The following NUDCD3 variants were observed in gnomAD, a reference collection of about 807,000 sequenced individuals.
NUDCD3 encodes the protein nudC domain-containing protein 3.
In NUDCD3, 13 loss-of-function variants were observed where a neutral mutation model predicts 39.7. The observed-to-expected ratio is 0.33, with a 90% CI of 0.21 to 0.52. The LOEUF (loss-of-function observed/expected upper bound fraction) is 0.52. Ranked by LOEUF, NUDCD3 falls within the 20% of genes least tolerant of loss-of-function variation. The pLI is 0.96. For missense variants in NUDCD3, 453 were observed against 458.1 expected (o/e 0.99, Z 0.10); for synonymous variants, 175 against 172.4 (o/e 1.02, Z -0.12).
intron 3 of NUDCD3, among the ~76,000 whole-genome samples, chr7:44,418,738 T>C (rs1297826422): frequency 5.9e-5 from 9 of 152,160 alleles, no homozygotes; most frequent in South Asian, 2.1e-4. Flanking sequence ...GTTCATCTCA[T>C]TGGGACTAGT....
At chr7:44,473,433 G>A (rs890161579) in intron 2 of NUDCD3, among the ~76,000 whole-genome samples, 1 of 152,200 alleles carries the variant, frequency 6.6e-6, no homozygotes, top group East Asian at 1.9e-4. Context: ...AGAGTTGTGA[G>A]GACAGTGAAA....
intron 4 of NUDCD3, among the ~76,000 whole-genome samples, chr7:44,396,257 A>C (rs1798623287): frequency 6.6e-6 from 1 of 152,132 alleles, no homozygotes; most frequent in African/African-American, 2.4e-5. Flanking sequence ...ACTGTAACCA[A>C]GTGGGCTGCC....
chr7:44,424,649 C>T (rs553946174), intron 3 of NUDCD3, among the ~76,000 whole-genome samples: 7 of 152,110 alleles, frequency 4.6e-5, no homozygotes, highest in Admixed American at 2.0e-4. Flanking sequence ...CAGATGCTGG[C>T]GAGAATGTGG....
chr7:44,443,889 T>C (rs1450327009), intron 2 of NUDCD3, among the ~76,000 whole-genome samples: 1 of 152,204 alleles, frequency 6.6e-6, no homozygotes, highest in Non-Finnish European at 1.5e-5. Flanking sequence ...GTCTTCTTTA[T>C]GAGCACCAGC....
chr7:44,411,711 A>C (rs1798929038), intron 3 of NUDCD3, among the ~76,000 whole-genome samples: 1 of 152,250 alleles, frequency 6.6e-6, no homozygotes, highest in Admixed American at 6.5e-5. Flanking sequence ...AAATGGTACA[A>C]CCACTTTGGA....
chr7:44,432,704 T>G (rs917448321), intron 2 of NUDCD3, among the ~76,000 whole-genome samples: 1 of 152,226 alleles, frequency 6.6e-6, no homozygotes, highest in Non-Finnish European at 1.5e-5. Context: ...CTTTAAATGT[T>G]CACACTCTTA....
At chr7:44,480,041 A>G (rs1800454794) in intron 2 of NUDCD3, among the ~76,000 whole-genome samples, 2 of 152,240 alleles carry the variant, frequency 1.3e-5, no homozygotes, top group Non-Finnish European at 2.9e-5. Flanking sequence ...GTCTATTCTG[A>G]ACAAAGAGCT....
chr7:44,400,655 T>C (rs1290372016), intron 4 of NUDCD3, among the ~76,000 whole-genome samples: 1 of 152,186 alleles, frequency 6.6e-6, no homozygotes. Context: ...AATCAAGGTG[T>C]CAGTAGGGCC....
intron 2 of NUDCD3, among the ~76,000 whole-genome samples, chr7:44,429,963 T>C (rs1290203973): frequency 1.3e-5 from 2 of 152,244 alleles, no homozygotes; most frequent in Admixed American, 6.5e-5. Flanking sequence ...AAAGTGGGTA[T>C]TATTACTTTT....
At chr7:44,427,803 C>T (rs1799267657) in intron 2 of NUDCD3, 100 bp from the exon 3 acceptor site, 1 of 1,273,674 alleles carries the variant, frequency 7.9e-7, no homozygotes, top group Non-Finnish European at 1.1e-6. Flanking sequence ...GGAGACGTGA[C>T]CAACTCAAGT....
intron 3 of NUDCD3, among the ~76,000 whole-genome samples, chr7:44,418,325 A>G (rs2116890411): frequency 6.6e-6 from 1 of 152,324 alleles, no homozygotes; most frequent in East Asian, 1.9e-4. Flanking sequence ...TGCACATGAG[A>G]CGTGTTCCAG....
intron 4 of NUDCD3, among the ~76,000 whole-genome samples, chr7:44,399,954 G>A (rs891481176): frequency 1.3e-5 from 2 of 152,166 alleles, no homozygotes; most frequent in African/African-American, 2.4e-5. Flanking sequence ...TGCGCACCAC[G>A]TCAATACATG....
intron 2 of NUDCD3, among the ~76,000 whole-genome samples, chr7:44,456,000 T>TG (rs368378771): frequency 0.15 from 15,919 of 107,162 alleles, 1,420 homozygotes; most frequent in Middle Eastern, 0.22. Flanking sequence ...CACTCCAGCC[T>TG]GGGCGACAGA....
rs1409024624 is a variant in NUDCD3 at position 44,379,404 on chromosome 7, AG to A, written c.*6606del. On this transcript the variant is annotated 3_prime_UTR_variant, in exon 6 of 6. Coordinates refer to ENST00000355451, the MANE Select transcript of NUDCD3 (RefSeq NM_015332.4). ...GGCGGGGTGGGGGGGAACAGGGGAC[AG>A]GGGTGGTCACAGGAGTCCTAGCTGC... The A allele has an allele frequency of 2.0e-5, 3 of 147,714 alleles. No homozygotes were observed. The East Asian group carries it at 6.2e-4, about 30-fold the overall frequency. 9.2% of individuals were successfully genotyped at this position (147,714 alleles called of 1,614,324 possible).
Position 44,485,205 on chromosome 7 carries a change from T to G in NUDCD3, c.272A>C (p.Lys91Thr). ...CACAGTCTTGGCCTCTTCCTCTTCC[T>G]TTCTTCTGATTTTCTCTTCAAGTTC... ...RQELEEKIRR[K>T]EEEEAKTVSA... The change falls in exon 2 of 6, where the codon AAG (lysine) becomes ACG (threonine). Residue 91 changes from lysine to threonine, a missense_variant. Physicochemically the swap from Lys to Thr is moderately conservative, Grantham distance 78. Coordinates refer to ENST00000355451, the MANE Select transcript of NUDCD3 (RefSeq NM_015332.4). 1 of 1,614,210 alleles carries G rather than the reference T, an allele frequency of 6.2e-7. No homozygotes were observed. The highest frequency in any genetic ancestry group is 1.1e-5 in the South Asian group (1 of 91,084).
chr7:44,455,597 A>G (rs1164755047), intron 2 of NUDCD3, among the ~76,000 whole-genome samples: 1 of 152,082 alleles, frequency 6.6e-6, no homozygotes, highest in African/African-American at 2.4e-5. Flanking sequence ...ATGCATTGGG[A>G]GTGTGCATGA....
intron 3 of NUDCD3, among the ~76,000 whole-genome samples, chr7:44,424,633 A>G (rs192024246): frequency 9.2e-5 from 14 of 152,332 alleles, no homozygotes; most frequent in Admixed American, 3.9e-4. Context: ...AAAAGTCAGG[A>G]AACAACAGAT....
intron 2 of NUDCD3, among the ~76,000 whole-genome samples, chr7:44,447,337 A>C (rs1799707093): frequency 6.6e-6 from 1 of 152,236 alleles, no homozygotes; most frequent in Admixed American, 6.5e-5. Flanking sequence ...TCTTCTGTAG[A>C]AAGTTTCCGT....
intron 4 of NUDCD3, among the ~76,000 whole-genome samples, chr7:44,403,737 A>G (rs1798764990): frequency 6.6e-6 from 1 of 152,254 alleles, no homozygotes; most frequent in East Asian, 1.9e-4. Flanking sequence ...ATAAAATTCT[A>G]AAGACTTTTG....
Sources: allele counts gnomAD v4.1 joint callset (sites outside exome capture counted in the v4.1 genomes callset), GRCh38; gene constraint gnomAD v4.1.1; transcripts MANE v1.5; gene names NCBI Gene and HGNC (gene_info 2026-07-23, HGNC 2026-07-21).